Variants in RNF170 observed in about 807,000 individuals in gnomAD.
The protein encoded by RNF170 is E3 ubiquitin-protein ligase RNF170.
RNF170 carries 12 observed loss-of-function variants against 32.7 expected under a neutral mutation model. The observed-to-expected ratio is 0.37, with a 90% CI of 0.24 to 0.60. RNF170 has a LOEUF of 0.60. RNF170 is among the 20% of genes least tolerant of loss of function. The pLI, the probability that RNF170 is intolerant of heterozygous loss-of-function variation, is 0.72. For synonymous variants in RNF170, 91 were observed against 103.6 expected (o/e 0.88, Z 0.74); for missense variants, 212 against 311.2 (o/e 0.68, Z 2.40).
rs1037057974 is a variant in RNF170, at chr8:42,854,669, C to A, written c.*1490G>T. On this transcript the variant is annotated 3_prime_UTR_variant, in exon 7 of 7. Coordinates refer to ENST00000527424, the MANE Select transcript of RNF170 (RefSeq NM_030954.4). ...TGTGACAGATTTTCTCCTTATCTCC[C>A]AGTCTGCATATAGTGAAGCTCACTA... 4.0e-5 allele frequency: 51 copies of A among 1,287,112 alleles called. No individual in the cohort carries two copies. In the East Asian group the frequency reaches 1.0e-3, roughly 25 times the overall value. The allele number at this position is 1,287,112 out of a possible 1,614,324, so 79.7% of individuals were successfully genotyped here. A position where few individuals can be genotyped will look rare whatever the true frequency, so the allele number is the denominator to read the frequency against.
chr8:42,852,473 A>C (rs980710352), downstream of RNF170, among the ~76,000 whole-genome samples: 1 of 151,818 alleles, frequency 6.6e-6, no homozygotes, highest in African/African-American at 2.4e-5. Context: ...GCTGGAGTGC[A>C]ATGGCATGAT....
chr8:42,861,750 T>G lies in RNF170; in HGVS notation c.502A>C (p.Arg168=), dbSNP rs1803679751. ...CATGCTTTAGCATTACTTACAGATC[T>G]GGGTTGCCCTGAGAATCTCCGGTTA... The part of the protein sequence containing the change: ...DYNRRFSGQP[R]SIMERIMDLP... Residue 168 remains arginine, a synonymous_variant, in exon 6 of 7, where the codon AGA becomes CGA. Transcript: ENST00000527424. 2 of 1,606,528 alleles carry G rather than the reference T, an allele frequency of 1.2e-6. No individual in the cohort carries two copies. The highest frequency in any genetic ancestry group is 1.7e-5 in the Admixed American group (1 of 59,954).
intron 4 of RNF170, among the ~76,000 whole-genome samples, chr8:42,867,811 A>T (rs1028894407): frequency 2.0e-5 from 3 of 150,454 alleles, no homozygotes; most frequent in African/African-American, 7.3e-5. Context: ...AAAAAGAAAT[A>T]CAAAAAAGGA....
In RNF170 at chr8:42,887,848, C is replaced by T. The variant is rs142038539; in HGVS notation, c.17G>A (p.Gly6Asp). 13 of 1,613,912 alleles carry T rather than the reference C, an allele frequency of 8.1e-6. No homozygotes were observed. Among genetic ancestry groups the T allele is most frequent in the South Asian group, 7.7e-5 (7 of 91,080 alleles). The change falls in exon 2 of 7, where the codon GGT (glycine) becomes GAT (aspartate). Residue 6 changes from glycine to aspartate, a missense_variant. Physicochemically the swap from Gly to Asp is moderately conservative, Grantham distance 94. Coordinates refer to ENST00000527424, the MANE Select transcript of RNF170 (RefSeq NM_030954.4). ...ATCCAGTTTCAAACTTTGAACTTCA[C>T]CTTGATATTTGGCCATTCCAGGTCT... MAKYQ[G>D]EVQSLKLDDD... is the part of the protein sequence containing the mutation.
intron 2 of RNF170, among the ~76,000 whole-genome samples, chr8:42,877,740 C>T (rs1805066569): frequency 6.6e-6 from 1 of 152,012 alleles, no homozygotes; most frequent in African/African-American, 2.4e-5. Flanking sequence ...ACATATAAGA[C>T]AAAAGCACAG....
chr8:42,868,393 G>A (rs1026913193), intron 4 of RNF170, among the ~76,000 whole-genome samples: 1 of 152,136 alleles, frequency 6.6e-6, no homozygotes, highest in Non-Finnish European at 1.5e-5. Context: ...CATTTTGGGA[G>A]CAATAATACC....
Position 42,856,444 on chromosome 8 carries a change from A to G in RNF170, c.508-16T>C. On this transcript the variant is annotated splice_polypyrimidine_tract_variant and intron_variant, in intron 6 of 6. Transcript: ENST00000527424. The stretch of plus-strand genomic sequence containing the variant: ...TCTCCATAATCTGGTAGAGGGAAAA[A>G]CAAGTATTATGATTCAGCACCTAAT... 1 of 1,578,070 alleles carries G rather than the reference A, an allele frequency of 6.3e-7. No individual in the cohort carries two copies. The highest frequency in any genetic ancestry group is 8.7e-7 in the Non-Finnish European group (1 of 1,148,860).
rs1214265236 is a variant in RNF170, at chr8:42,884,089, C to CT, written c.137+3638dup. On this transcript the variant is annotated intron_variant, in intron 2 of 6. Transcript: ENST00000527424. ...AGAATAAATTTAATTCTTTTTTTTTCTTTTTTTTGAGATGGAGTTTCGCTC... is the reference window on the plus strand; with the variant it reads ...AGAATAAATTTAATTCTTTTTTTTTCTTTTTTTTTGAGATGGAGTTTCGCTC... 8.6e-5 allele frequency among the ~76,000 whole-genome samples: 13 copies of CT among 151,092 alleles called. No individual in the cohort carries two copies. The East Asian group carries it at 1.8e-3, about 20-fold the overall frequency.
At chr8:42,873,377 C>T (rs1403721331) in intron 3 of RNF170, among the ~76,000 whole-genome samples, 1 of 151,308 alleles carries the variant, frequency 6.6e-6, no homozygotes, top group African/African-American at 2.4e-5. Flanking sequence ...TGTTAGATAT[C>T]TTAGCCTGAA....
rs1803208563 is a variant in RNF170 at position 42,855,828 on chromosome 8, A to G, written c.*331T>C. The G allele has an allele frequency of 8.2e-7, 1 of 1,216,920 alleles. No individual in the cohort carries two copies. The highest frequency in any genetic ancestry group is 3.5e-4 in the Middle Eastern group (1 of 2,880). The allele number at this position is 1,216,920 out of a possible 1,614,324, so 75.4% of individuals were successfully genotyped here. On this transcript the variant is annotated 3_prime_UTR_variant, in exon 7 of 7. Transcript: ENST00000527424. ...AACTGACATTTAACAATATTTTACT[A>G]TACATCTAATTAATCTAAGTAATTC...
intron 6 of RNF170, among the ~76,000 whole-genome samples, chr8:42,858,054 AG>A: frequency 6.6e-6 from 1 of 152,296 alleles, no homozygotes; most frequent in Admixed American, 6.5e-5. Flanking sequence ...AGAAATGAAA[AG>A]AAAAATGTTA....
chr8:42,888,591 C>T (rs191898708), intron 1 of RNF170, among the ~76,000 whole-genome samples: 3 of 151,742 alleles, frequency 2.0e-5, no homozygotes, highest in East Asian at 2.0e-4. Context: ...GGTGAAACCC[C>T]GTCTCTACTA....
intron 1 of RNF170, among the ~76,000 whole-genome samples, chr8:42,888,509 T>A (rs1451596596): frequency 1.3e-5 from 2 of 150,746 alleles, no homozygotes; most frequent in Non-Finnish European, 3.0e-5. Flanking sequence ...ACGCCTGTAA[T>A]CCCAGCATTA....
intron 5 of RNF170, among the ~76,000 whole-genome samples, chr8:42,863,978 A>AGTGTGT (rs776257416): frequency 3.7e-4 from 26 of 70,146 alleles, no homozygotes; most frequent in Middle Eastern, 9.1e-3. Flanking sequence ...AGAGAGAGAG[A>AGTGTGT]GAGTGTGTGT....
At chr8:42,894,739 A>G (rs1378456354) in intron 1 of RNF170, among the ~76,000 whole-genome samples, 3 of 151,974 alleles carry the variant, frequency 2.0e-5, no homozygotes, top group Admixed American at 2.0e-4. Context: ...TAATTTTTGT[A>G]TTTTTAGTAG....
At chr8:42,853,250 GT>G, downstream of RNF170, 1 of 909,056 alleles carries the variant, frequency 1.1e-6, no homozygotes, top group Non-Finnish European at 1.4e-6. Context: ...TCTTTCAGGA[GT>G]TCTGAAAGCA....
chr8:42,893,711 T>C (rs1806505293), intron 1 of RNF170, among the ~76,000 whole-genome samples: 1 of 152,228 alleles, frequency 6.6e-6, no homozygotes, highest in Non-Finnish European at 1.5e-5. Flanking sequence ...CAAGGAATCA[T>C]GATAAAACTA....
intron 2 of RNF170, among the ~76,000 whole-genome samples, chr8:42,885,975 G>A (rs905415275): frequency 2.6e-5 from 4 of 152,084 alleles, no homozygotes; most frequent in Non-Finnish European, 4.4e-5. Context: ...GTAACCCCCC[G>A]ATTTTGGGAG....
intron 5 of RNF170, among the ~76,000 whole-genome samples, chr8:42,865,026 G>T (rs1297188233): frequency 6.6e-6 from 1 of 151,716 alleles, no homozygotes; most frequent in African/African-American, 2.4e-5. Flanking sequence ...GGAGGCTGAG[G>T]CAGGAGGATT....
Sources: allele counts gnomAD v4.1 joint callset (sites outside exome capture counted in the v4.1 genomes callset), GRCh38; gene constraint gnomAD v4.1.1; transcripts MANE v1.5; gene names NCBI Gene and HGNC (gene_info 2026-07-23, HGNC 2026-07-21).